Variants in PRR36 observed in about 807,000 individuals in gnomAD.
PRR36 encodes the protein proline-rich protein 36.
In PRR36, 30 loss-of-function variants were observed where a neutral mutation model predicts 58.6. The observed-to-expected ratio is 0.51, with a 90% confidence interval of 0.38 to 0.69. The LOEUF is 0.69. Among genes scored for constraint, PRR36 ranks in the 30% least tolerant of loss-of-function variants. The probability of loss-of-function intolerance (pLI) is 0.00; values close to 1 mark genes in which losing one functional copy is unlikely to be tolerated. For missense variants in PRR36, 1,692 were observed against 1,805.6 expected (o/e 0.94, Z 1.14); for synonymous variants, 771 against 829.3 (o/e 0.93, Z 1.21).
chr19:7,870,842 G>T lies in PRR36; in HGVS notation c.2402C>A (p.Pro801His). 2 of 1,449,054 alleles carry T rather than the reference G, an allele frequency of 1.4e-6. No individual in the cohort carries two copies. Among genetic ancestry groups the T allele is most frequent in the East Asian group, 2.5e-5 (1 of 40,192 alleles). 89.8% of individuals were successfully genotyped at this position (1,449,054 alleles called of 1,614,324 possible). A position where few individuals can be genotyped will look rare whatever the true frequency, so the allele number is the denominator to read the frequency against. Reference sequence around the variant, plus strand: ...TATGGAAGAGGGCGTCTCCGGAGGGGGCGTGGTCAATGGCGAAGGTGGTGC... The same window carrying T: ...TATGGAAGAGGGCGTCTCCGGAGGGTGCGTGGTCAATGGCGAAGGTGGTGC... ...LQAPPSPLTTPPPETPSSIAT... is the reference protein window; with the variant it reads ...LQAPPSPLTTHPPETPSSIAT... The change falls in exon 5 of 6, where the codon CCC becomes CAC. Residue 801 changes from proline (P) to histidine (H), a missense_variant. Around this residue, in one of 5 missense-constraint regions of PRR36, gnomAD observed 171 missense variants for 146.2 expected, o/e 1.17. Transcript: ENST00000618550.
Position 7,869,377 on chromosome 19 carries a change from C to T in PRR36, c.3697G>A (p.Gly1233Arg). The change falls in exon 6 of 6, where the codon GGG becomes AGG. Residue 1233 changes from glycine to arginine, a missense_variant. Around this residue, in one of 5 missense-constraint regions of PRR36, gnomAD observed 485 missense variants for 549.2 expected, o/e 0.88. Coordinates refer to ENST00000618550, the MANE Select transcript of PRR36 (RefSeq NM_001190467.2). ...GGKAAAGAGA[G>R]ASSRSPKQAR... ...TGCTTCGGGCTCCGCGAGGACGCCC[C>T]GGCCCCGGCCCCAGCCGCCGCCTTC... 15 of 1,456,336 alleles carry T rather than the reference C, an allele frequency of 1.0e-5. No homozygotes were observed. Among genetic ancestry groups the T allele is most frequent in the Non-Finnish European group, 1.3e-5 (15 of 1,113,954 alleles). 90.2% of individuals were successfully genotyped at this position (1,456,336 alleles called of 1,614,324 possible).
Position 7,869,533 on chromosome 19 carries a change from G to A in PRR36, c.3541C>T (p.Pro1181Ser). Residue 1181 changes from proline to serine, a missense_variant, in exon 6 of 6, where the codon CCG becomes TCG. This residue lies in a region of PRR36 where 485 missense variants were observed against 549.2 expected (regional missense o/e 0.88). Transcript: ENST00000618550. ...AFRGAPGAPL[P>S]WPPATGPGSA... ...CCCGGTCCGGTAGCGGGAGGCCACG[G>A]CAGGGGCGCACCTGCGGGGAGAGAC... 1.3e-6 allele frequency: 2 copies of A among 1,518,200 alleles called. No homozygotes were observed. The highest frequency in any genetic ancestry group is 2.6e-5 in the East Asian group (1 of 37,976). 94.0% of individuals were successfully genotyped at this position (1,518,200 alleles called of 1,614,324 possible). A position where few individuals can be genotyped will look rare whatever the true frequency, so the allele number is the denominator to read the frequency against.
At position 7,869,268 on chromosome 19, in the gene PRR36, G is replaced by C. The variant is rs1980253792; in HGVS notation, c.3806C>G (p.Ala1269Gly). 2 of 1,463,790 alleles carry C rather than the reference G, an allele frequency of 1.4e-6. No individual in the cohort carries two copies. The highest frequency in any genetic ancestry group is 2.8e-5 in the South Asian group (2 of 72,562). The allele number at this position is 1,463,790 out of a possible 1,614,324, so 90.7% of individuals were successfully genotyped here. ...HLLSRTLLLA[A>G]AEGAAGGSGG... Reference sequence around the variant, plus strand: ...GCTGCCGCCCGCGGCACCCTCGGCAGCCGCCAGCAGCAGCGTCCGGCTCAG... The same window carrying C: ...GCTGCCGCCCGCGGCACCCTCGGCACCCGCCAGCAGCAGCGTCCGGCTCAG... Residue 1269 changes from alanine to glycine, a missense_variant, in exon 6 of 6, where the codon GCT becomes GGT. By Grantham distance (60) the Ala-to-Gly change is moderately conservative. Transcript: ENST00000618550.
At position 7,868,862 on chromosome 19, in the gene PRR36, G is replaced by A. The variant is rs113213625; in HGVS notation, c.*171C>T. ...CGAGGGGCGGGCCTAGGTCAAAGCTGTGGGTAGGTCCCGAGCCTCCGAGGC... is the reference window on the plus strand; with the variant it reads ...CGAGGGGCGGGCCTAGGTCAAAGCTATGGGTAGGTCCCGAGCCTCCGAGGC... On this transcript the variant is annotated 3_prime_UTR_variant, in exon 6 of 6. Coordinates refer to ENST00000618550, the MANE Select transcript of PRR36 (RefSeq NM_001190467.2). 61,902 of 726,752 alleles carry A rather than the reference G, an allele frequency of 0.085. 4,397 individuals are homozygous for A. The highest frequency in any genetic ancestry group is 0.26 in the East Asian group (8,111 of 31,450). The allele number at this position is 726,752 out of a possible 1,614,324, so 45.0% of individuals were successfully genotyped here.
At position 7,870,936 on chromosome 19, in the gene PRR36, TCTGC is replaced by T; in HGVS notation, c.2304_2307del (p.Thr770LeufsTer5). 2.9e-6 allele frequency: 4 copies of T among 1,386,674 alleles called. No homozygotes were observed. The highest frequency in any genetic ancestry group is 3.1e-5 in the Admixed American group (1 of 32,364). 85.9% of individuals were successfully genotyped at this position (1,386,674 alleles called of 1,614,324 possible). ...GGTGTGGTCAGGGGAGCAGAAGCTG[TCTGC>T]AGAGGAGGCGGGGCTAGAGAAGGTA... On this transcript the variant is annotated frameshift_variant, in exon 5 of 6. Coordinates refer to ENST00000618550, the MANE Select transcript of PRR36 (RefSeq NM_001190467.2). LOFTEE classifies it high-confidence loss of function.
Position 7,872,109 on chromosome 19 carries a change from C to T in PRR36, c.1135G>A (p.Ala379Thr), listed in dbSNP as rs1368653350. Residue 379 changes from alanine (A) to threonine (T), a missense_variant, in exon 5 of 6, where the codon GCT becomes ACT. By Grantham distance (58) the Ala-to-Thr change is moderately conservative. Transcript: ENST00000618550. The surrounding 1 kb of genome is among the most constrained non-coding windows in gnomAD (Gnocchi z 6.1). The stretch of plus-strand genomic sequence containing the variant: ...GGGAGGGTCTGCAGAGAAGGTGGAG[C>T]AGAGGGAGAAGGAGGGGCTAGAGGA... ...PLPLAPPSPS[A>T]PPSLQTLPSP... 6.6e-6 allele frequency: 10 copies of T among 1,526,606 alleles called. No individual in the cohort carries two copies. The African/African-American group carries it at 1.1e-4, about 17-fold the overall frequency. 94.6% of individuals were successfully genotyped at this position (1,526,606 alleles called of 1,614,324 possible). A position where few individuals can be genotyped will look rare whatever the true frequency, so the allele number is the denominator to read the frequency against.
Position 7,873,484 on chromosome 19 carries a change from G to C in PRR36, c.206C>G (p.Thr69Ser). ...AERAGGIGGA[T>S]IPESAPRAGP... is the part of the protein sequence containing the mutation. ...CGCTCGGGGAGCAGACTCGGGAATA[G>C]TGGCCCCGCCGATGCCCCCCGCTCG... The change falls in exon 2 of 6, where the codon ACT becomes AGT. Residue 69 changes from threonine to serine, a missense_variant. Physicochemically the swap from Thr to Ser is moderately conservative, Grantham distance 58 (BLOSUM62 1). Transcript: ENST00000618550. The surrounding 1 kb of genome is among the most constrained non-coding windows in gnomAD (Gnocchi z 5.0). 1 of 1,535,282 alleles carries C rather than the reference G, an allele frequency of 6.5e-7. No individual in the cohort carries two copies. Among genetic ancestry groups the C allele is most frequent in the African/African-American group, 1.4e-5 (1 of 73,142 alleles).
At position 7,873,159 on chromosome 19, in the gene PRR36, C is replaced by T. The variant is rs1365097936; in HGVS notation, c.374+38G>A. ...AAGGTTCCAGACTCTGTGACGCTAACCCTGGCTTAGGAGACTGGGGGAGAG... is the reference window on the plus strand; with the variant it reads ...AAGGTTCCAGACTCTGTGACGCTAATCCTGGCTTAGGAGACTGGGGGAGAG... On this transcript the variant is annotated intron_variant, in intron 3 of 5. Transcript: ENST00000618550. The surrounding 1 kb of genome is among the most constrained non-coding windows in gnomAD (Gnocchi z 5.0). 1.3e-6 allele frequency: 2 copies of T among 1,523,198 alleles called. No homozygotes were observed. The highest frequency in any genetic ancestry group is 1.8e-6 in the Non-Finnish European group (2 of 1,135,254). 94.4% of individuals were successfully genotyped at this position (1,523,198 alleles called of 1,614,324 possible). A position where few individuals can be genotyped will look rare whatever the true frequency, so the allele number is the denominator to read the frequency against.
Position 7,872,065 on chromosome 19 carries a change from G to A in PRR36, c.1179C>T (p.Pro393=). The part of the protein sequence containing the change: ...LQTLPSPPAT[P]PSQVPPTQLI... ...GCTGTGTGGGTGGAACTTGCGAGGG[G>A]GGCGTGGCTGGTGGAGAGGGGAGGG... is the stretch of plus-strand genomic sequence containing the variant. The change falls in exon 5 of 6, where the codon CCC becomes CCT. Residue 393 remains proline, a synonymous_variant. Coordinates refer to ENST00000618550, the MANE Select transcript of PRR36 (RefSeq NM_001190467.2). This position sits in a 1 kb window ranked among gnomAD's most constrained non-coding sequence, Gnocchi z 6.1. 1 of 1,535,744 alleles carries A rather than the reference G, an allele frequency of 6.5e-7. No individual in the cohort carries two copies.
chr19:7,873,274 T>C lies in PRR36; in HGVS notation c.297A>G (p.Arg99=). 6.5e-7 allele frequency: 1 copy of C among 1,535,252 alleles called. No homozygotes were observed. Residue 99 remains arginine (R), a synonymous_variant, in exon 3 of 6, where the codon AGA becomes AGG. Coordinates refer to ENST00000618550, the MANE Select transcript of PRR36 (RefSeq NM_001190467.2). This position sits in a 1 kb window ranked among gnomAD's most constrained non-coding sequence, Gnocchi z 5.0. ...NPASRPPASG[R]GERAPPAKNT... is the part of the protein sequence containing the mutation. ...TCTTGGCAGGAGGAGCTCTCTCCCCTCTCCCAGAGGCTGGGGGCCTGGAGG... is the reference window on the plus strand; with the variant it reads ...TCTTGGCAGGAGGAGCTCTCTCCCCCCTCCCAGAGGCTGGGGGCCTGGAGG...
chr19:7,872,529 A>G lies in PRR36; in HGVS notation c.715T>C (p.Ser239Pro). The change falls in exon 5 of 6, where the codon TCG (serine) becomes CCG (proline). Residue 239 changes from serine to proline, a missense_variant. Physicochemically the swap from Ser to Pro is moderately conservative, Grantham distance 74 (BLOSUM62 -1). Around this residue, in one of 5 missense-constraint regions of PRR36, gnomAD observed 975 missense variants for 955.2 expected, o/e 1.02. Coordinates refer to ENST00000618550, the MANE Select transcript of PRR36 (RefSeq NM_001190467.2). The surrounding 1 kb of genome is among the most constrained non-coding windows in gnomAD (Gnocchi z 6.1). ...SAGGGLQRPA[S>P]RSLSSSATPL... Reference sequence around the variant, plus strand: ...GTGGCGCTGGAGCTCAGGGAGCGCGAGGCCGGCCTCTGGAGACCCCCACCG... The same window carrying G: ...GTGGCGCTGGAGCTCAGGGAGCGCGGGGCCGGCCTCTGGAGACCCCCACCG... 1 of 1,513,670 alleles carries G rather than the reference A, an allele frequency of 6.6e-7. No homozygotes were observed. Among genetic ancestry groups the G allele is most frequent in the South Asian group, 1.2e-5 (1 of 80,790 alleles). 93.8% of individuals were successfully genotyped at this position (1,513,670 alleles called of 1,614,324 possible).
Position 7,869,039 on chromosome 19 carries a change from G to C in PRR36, c.4035C>G (p.Phe1345Leu). ...GDWTVVEVET[F>L]H is the part of the protein sequence containing the mutation. ...GGCGGGGCTGTGGTCTGGCTCAGTG[G>C]AAGGTCTCCACCTCCACCACGGTCC... The change falls in exon 6 of 6, where the codon TTC becomes TTG. Residue 1345 changes from phenylalanine to leucine, a missense_variant. By Grantham distance (22) the Phe-to-Leu change is conservative (BLOSUM62 0). Transcript: ENST00000618550. 1 of 1,519,142 alleles carries C rather than the reference G, an allele frequency of 6.6e-7. No individual in the cohort carries two copies. Among genetic ancestry groups the C allele is most frequent in the Non-Finnish European group, 8.8e-7 (1 of 1,138,444 alleles). 94.1% of individuals were successfully genotyped at this position (1,519,142 alleles called of 1,614,324 possible). A position where few individuals can be genotyped will look rare whatever the true frequency, so the allele number is the denominator to read the frequency against.
chr19:7,870,922 GGGAGCAGAAGC>G lies in PRR36; in HGVS notation c.2311_2321del (p.Ala771ProfsTer231). 4.3e-6 allele frequency: 6 copies of G among 1,397,320 alleles called. No homozygotes were observed. Among genetic ancestry groups the G allele is most frequent in the East Asian group, 2.6e-5 (1 of 38,148 alleles). The allele number at this position is 1,397,320 out of a possible 1,614,324, so 86.6% of individuals were successfully genotyped here. On this transcript the variant is annotated frameshift_variant, in exon 5 of 6. Transcript: ENST00000618550. LOFTEE classifies it high-confidence loss of function. Reference sequence around the variant, plus strand: ...GAGTCTCCAGATGGGGTGTGGTCAGGGGAGCAGAAGCTGTCTGCAGAGGAGGCGGGGCTAGA... The same window carrying G: ...GAGTCTCCAGATGGGGTGTGGTCAGGTGTCTGCAGAGGAGGCGGGGCTAGA...
In PRR36 at chr19:7,872,382, G is replaced by C; in HGVS notation, c.862C>G (p.Pro288Ala). ...QALRPPQVTP[P>A]RKDAAPALGP... ...AGTGCTGGGGCTGCGTCCTTCCTTG[G>C]GGGTGTGACCTGAGGGGGTCGCAGA... The change falls in exon 5 of 6, where the codon CCA becomes GCA. Residue 288 changes from proline (P) to alanine (A), a missense_variant. Coordinates refer to ENST00000618550, the MANE Select transcript of PRR36 (RefSeq NM_001190467.2). This position sits in a 1 kb window ranked among gnomAD's most constrained non-coding sequence, Gnocchi z 6.1. The C allele has an allele frequency of 6.9e-7, 1 of 1,450,324 alleles. No homozygotes were observed. Among genetic ancestry groups the C allele is most frequent in the East Asian group, 2.5e-5 (1 of 40,264 alleles). 89.8% of individuals were successfully genotyped at this position (1,450,324 alleles called of 1,614,324 possible).
At chr19:7,869,688 C>G in intron 5 of PRR36, 27 bp downstream of exon 5, 1 of 1,375,072 alleles carries the variant, frequency 7.3e-7, no homozygotes, top group Non-Finnish European at 9.4e-7. Context: ...CCGCCCACAG[C>G]CAGGCCGGGT....
rs1980358720 is a variant in PRR36, at chr19:7,870,514, CGAA to C, written c.2727_2729del (p.Ser910del). 1.2e-6 allele frequency: 1 copy of C among 866,602 alleles called. No homozygotes were observed. Among genetic ancestry groups the C allele is most frequent in the Non-Finnish European group, 1.4e-6 (1 of 692,666 alleles). 53.7% of individuals were successfully genotyped at this position (866,602 alleles called of 1,614,324 possible). On this transcript the variant is annotated inframe_deletion, in exon 5 of 6. Coordinates refer to ENST00000618550, the MANE Select transcript of PRR36 (RefSeq NM_001190467.2). ...GTGGGGCCTGTGAAGGGGGCGTGGC[CGAA>C]GGAGACACTGGGGGTGAGGCAGGGG...
At position 7,871,103 on chromosome 19, in the gene PRR36, T is replaced by G. The variant is rs1392964958; in HGVS notation, c.2141A>C (p.Gln714Pro). The G allele has an allele frequency of 6.6e-7, 1 of 1,521,430 alleles. No individual in the cohort carries two copies. Among genetic ancestry groups the G allele is most frequent in the African/African-American group, 1.5e-5 (1 of 68,416 alleles). 94.2% of individuals were successfully genotyped at this position (1,521,430 alleles called of 1,614,324 possible). Residue 714 changes from glutamine (Q) to proline (P), a missense_variant, in exon 5 of 6, where the codon CAA (glutamine) becomes CCA (proline). Coordinates refer to ENST00000618550, the MANE Select transcript of PRR36 (RefSeq NM_001190467.2). ...CAGAGAGGGTGGGGCTAGGGAAGATTGGGTCTCCAGAGGGGGCATGATCAG... is the reference window on the plus strand; with the variant it reads ...CAGAGAGGGTGGGGCTAGGGAAGATGGGGTCTCCAGAGGGGGCATGATCAG... ...SSLIMPPLETQSSLAPPSLQT... is the reference protein window; with the variant it reads ...SSLIMPPLETPSSLAPPSLQT...
chr19:7,869,634 A>C (rs1716254418), intron 5 of PRR36, 81 bp downstream of exon 5: 1 of 1,440,776 alleles, frequency 6.9e-7, no homozygotes, highest in South Asian at 1.4e-5. Flanking sequence ...TCCGCCCCGG[A>C]CCCAGCTGTC....
rs1416868446 is a variant in PRR36 at position 7,873,344 on chromosome 19, G to A, written c.272-45C>T. The A allele has an allele frequency of 6.6e-7, 1 of 1,520,708 alleles. No homozygotes were observed. Among genetic ancestry groups the A allele is most frequent in the African/African-American group, 1.4e-5 (1 of 72,762 alleles). 94.2% of individuals were successfully genotyped at this position (1,520,708 alleles called of 1,614,324 possible). On this transcript the variant is annotated intron_variant, in intron 2 of 5. Transcript: ENST00000618550. The surrounding 1 kb of genome is among the most constrained non-coding windows in gnomAD (Gnocchi z 5.0). ...TCACAGGTGCCCCGGAGAGGTGGCAGTGGAGGTGAGACTGGACAGGTATTG... is the reference window on the plus strand; with the variant it reads ...TCACAGGTGCCCCGGAGAGGTGGCAATGGAGGTGAGACTGGACAGGTATTG...
Sources: allele counts gnomAD v4.1 joint callset, GRCh38; gene constraint gnomAD v4.1.1; regional missense constraint gnomAD v4.1.1; non-coding constraint Gnocchi (gnomAD v3.1); transcripts MANE v1.5; gene names NCBI Gene and HGNC (gene_info 2026-07-23, HGNC 2026-07-21).